The following PAX2 variants were observed in gnomAD, a reference collection of about 807,000 sequenced individuals.
PAX2 encodes paired box protein Pax-2.
In PAX2, 9 loss-of-function variants were observed where a neutral mutation model predicts 41.7. That is an observed-to-expected ratio of 0.22 (90% CI 0.13 to 0.38). PAX2 has a LOEUF of 0.38. Among genes scored for constraint, PAX2 ranks in the 10% least tolerant of loss-of-function variants. The pLI is 1.00. For missense variants in PAX2, 418 were observed against 531.6 expected, an observed-to-expected ratio of 0.79 and a Z score of 2.10; for synonymous variants, 221 against 212.7, an observed-to-expected ratio of 1.04 and a Z score of -0.34.
In PAX2 at chr10:100,750,595, CGGCCGGGCAGGAG is replaced by C; in HGVS notation, c.213-98_213-86del. The C allele has an allele frequency of 2.8e-6, 3 of 1,086,720 alleles. No individual in the cohort carries two copies. Among genetic ancestry groups the C allele is most frequent in the Non-Finnish European group, 4.1e-6 (3 of 728,488 alleles). The allele number at this position is 1,086,720 out of a possible 1,614,324, so 67.3% of individuals were successfully genotyped here. On this transcript the variant is annotated intron_variant, in intron 2 of 9. Coordinates refer to ENST00000355243, the MANE Select transcript of PAX2 (RefSeq NM_000278.5). This position sits in a 1 kb window ranked among gnomAD's most constrained non-coding sequence, Gnocchi z 4.1. Reference sequence around the variant, plus strand: ...GCCTTTTCCCTCCACTCCGCTGCCTCGGCCGGGCAGGAGAGTGGCTCAGCAGCTCTGGAACCTG... The same window carrying C: ...GCCTTTTCCCTCCACTCCGCTGCCTCAGTGGCTCAGCAGCTCTGGAACCTG...
At chr10:100,769,347 G>T (rs1482341599) in intron 3 of PAX2, among the ~76,000 whole-genome samples, 1 of 152,132 alleles carries the variant, frequency 6.6e-6, no homozygotes, top group Non-Finnish European at 1.5e-5. Flanking sequence ...GTTATTATTG[G>T]CCAGGTACAG....
intron 5 of PAX2, among the ~76,000 whole-genome samples, chr10:100,798,102 C>CTAT: frequency 7.4e-6 from 1 of 134,878 alleles, no homozygotes; most frequent in Non-Finnish European, 1.5e-5. Flanking sequence ...TCATGTCCAC[C>CTAT]TCTTTTTTTT....
intron 5 of PAX2, among the ~76,000 whole-genome samples, chr10:100,803,333 A>T (rs1202079595): frequency 6.6e-6 from 1 of 151,456 alleles, no homozygotes; most frequent in Admixed American, 6.6e-5. Flanking sequence ...CCCTGAGCTT[A>T]TCCTCCTTGG....
chr10:100,801,038 C>T (rs1247948470), intron 5 of PAX2, among the ~76,000 whole-genome samples: 5 of 152,222 alleles, frequency 3.3e-5, no homozygotes, highest in Admixed American at 2.6e-4. Context: ...GAGTTCTCTT[C>T]GTTTGCCTGG....
intron 6 of PAX2, among the ~76,000 whole-genome samples, chr10:100,807,004 G>A (rs1847808764): frequency 1.3e-5 from 2 of 151,956 alleles, no homozygotes; most frequent in Non-Finnish European, 2.9e-5. Flanking sequence ...ACCCCCTCAG[G>A]GTCCTACAGA....
At position 100,828,471 on chromosome 10, in the gene PAX2, C is replaced by G. The variant is rs1035130237; in HGVS notation, c.*852C>G. 2.1e-5 allele frequency: 5 copies of G among 234,128 alleles called. No homozygotes were observed. The highest frequency in any genetic ancestry group is 1.1e-4 in the African/African-American group (5 of 45,358). The allele number at this position is 234,128 out of a possible 1,614,324, so 14.5% of individuals were successfully genotyped here. A position where few individuals can be genotyped will look rare whatever the true frequency, so the allele number is the denominator to read the frequency against. On this transcript the variant is annotated 3_prime_UTR_variant, in exon 10 of 10. Transcript: ENST00000355243. The surrounding 1 kb of genome is among the most constrained non-coding windows in gnomAD (Gnocchi z 6.5). The stretch of plus-strand genomic sequence containing the variant: ...CAGCGTCTCTTCCACCTGCTGGCCT[C>G]CCAGTTTCCCCTCCTGCCAGTCCTT...
At position 100,735,510 on chromosome 10, in the gene PAX2, G is replaced by A. The variant is rs1051593176; in HGVS notation, c.-199G>A. ...GGGGTGCCGGAGCCTCTGCGCGGCC[G>A]GGAGTGAGAGAGCGGGCGCGGGCGG... On this transcript the variant is annotated 5_prime_UTR_variant, in exon 1 of 10. Coordinates refer to the PAX2 transcript ENST00000679374. 4 of 275,550 alleles carry A rather than the reference G, an allele frequency of 1.5e-5. No homozygotes were observed. The South Asian group carries it at 6.2e-4, about 43-fold the overall frequency. 17.1% of individuals were successfully genotyped at this position (275,550 alleles called of 1,614,324 possible).
intron 3 of PAX2, among the ~76,000 whole-genome samples, chr10:100,760,482 G>A (rs1159728850): frequency 3.3e-5 from 5 of 152,162 alleles, no homozygotes; most frequent in African/African-American, 1.2e-4. Context: ...ACAAGTTTGG[G>A]GATGTGAACG....
chr10:100,739,898 G>T (rs1196373489), intron 1 of PAX2, among the ~76,000 whole-genome samples: 1 of 152,242 alleles, frequency 6.6e-6, no homozygotes, highest in South Asian at 2.1e-4. Context: ...CCTAGGGGAG[G>T]AGGGGAGGGG....
At chr10:100,764,405 G>C (rs1424841733) in intron 3 of PAX2, among the ~76,000 whole-genome samples, 2 of 152,126 alleles carry the variant, frequency 1.3e-5, no homozygotes, top group Admixed American at 6.5e-5. Context: ...GCCTCCCAAA[G>C]TGCTGGGATT....
At chr10:100,810,466 C>T (rs1282479970) in intron 7 of PAX2, among the ~76,000 whole-genome samples, 1 of 152,160 alleles carries the variant, frequency 6.6e-6, no homozygotes, top group East Asian at 1.9e-4. Flanking sequence ...ACTGGGCTTT[C>T]GGGAGTGACG....
chr10:100,762,400 C>T (rs543282903), intron 3 of PAX2, among the ~76,000 whole-genome samples: 14 of 152,196 alleles, frequency 9.2e-5, no homozygotes, highest in Middle Eastern at 3.4e-3. Context: ...CCTGCACGCA[C>T]GCAGCCTTCT....
intron 3 of PAX2, among the ~76,000 whole-genome samples, chr10:100,778,399 G>A (rs1328693829): frequency 7.2e-5 from 11 of 152,122 alleles, no homozygotes; most frequent in African/African-American, 2.7e-4. Flanking sequence ...GCTTTTTTGG[G>A]GATTAAGTCT....
chr10:100,820,802 T>C (rs1458137110), intron 7 of PAX2, among the ~76,000 whole-genome samples: 1 of 152,100 alleles, frequency 6.6e-6, no homozygotes, highest in Non-Finnish European at 1.5e-5. Flanking sequence ...ATATGTGGGG[T>C]TTTGTCCATT....
intron 5 of PAX2, among the ~76,000 whole-genome samples, chr10:100,782,723 C>T (rs1198706294): frequency 1.3e-5 from 2 of 152,286 alleles, no homozygotes; most frequent in Non-Finnish European, 1.5e-5. Flanking sequence ...TTGGCCGCCA[C>T]GGCCTTTGCC....
At chr10:100,810,412 GC>G (rs1402081907) in intron 7 of PAX2, among the ~76,000 whole-genome samples, 1 of 152,210 alleles carries the variant, frequency 6.6e-6, no homozygotes, top group Non-Finnish European at 1.5e-5. Flanking sequence ...TAGATCTTTG[GC>G]TAGGGAGTCA....
intron 5 of PAX2, among the ~76,000 whole-genome samples, chr10:100,785,221 C>T (rs1013003126): frequency 4.6e-5 from 7 of 152,186 alleles, no homozygotes; most frequent in African/African-American, 1.7e-4. Flanking sequence ...AGGCTGAAAA[C>T]TGGAAGTCCT....
chr10:100,812,434 A>G (rs867009738), intron 7 of PAX2, among the ~76,000 whole-genome samples: 1 of 152,176 alleles, frequency 6.6e-6, no homozygotes, highest in Non-Finnish European at 1.5e-5. Context: ...AGAATGGGTC[A>G]CGGGCATTCT....
chr10:100,828,729 C>G lies in PAX2; in HGVS notation c.*1110C>G. The G allele has an allele frequency of 4.3e-6, 1 of 233,498 alleles. No individual in the cohort carries two copies. Among genetic ancestry groups the G allele is most frequent in the East Asian group, 6.0e-5 (1 of 16,598 alleles). The allele number at this position is 233,498 out of a possible 1,614,324, so 14.5% of individuals were successfully genotyped here. A position where few individuals can be genotyped will look rare whatever the true frequency, so the allele number is the denominator to read the frequency against. ...GAAGTGGGGGGCTGCCCACTCCACT[C>G]CTCCCATCCCCTCCCAGCCTCCTCC... is the stretch of plus-strand genomic sequence containing the variant. On this transcript the variant is annotated 3_prime_UTR_variant, in exon 10 of 10. Coordinates refer to ENST00000355243, the MANE Select transcript of PAX2 (RefSeq NM_000278.5). The surrounding 1 kb of genome is among the most constrained non-coding windows in gnomAD (Gnocchi z 6.5).
Sources: gnomAD v4.1 joint callset for allele counts (sites outside exome capture counted in the v4.1 genomes callset) on GRCh38, gnomAD v4.1.1 for gene constraint, Gnocchi (gnomAD v3.1) non-coding constraint, MANE v1.5 for transcripts, NCBI Gene and HGNC (gene_info 2026-07-23, HGNC 2026-07-21) for gene names.